COL21A1: variants seen among roughly 807,000 people sequenced by gnomAD.
COL21A1 encodes collagen type XXI alpha 1 chain.
Under a neutral mutation model 137.9 loss-of-function variants are expected in COL21A1, and 149 were observed. The ratio of observed to expected loss-of-function variants is 1.08; its 90% CI spans 0.95 to 1.24. COL21A1 has a LOEUF of 1.24. Ranked by LOEUF, COL21A1 falls within the 50% of genes most tolerant of loss-of-function variation. COL21A1 has a pLI of 0.00. For synonymous variants in COL21A1, 456 were observed against 391.5 expected, an observed-to-expected ratio of 1.16 and a Z score of -1.95; for missense variants, 1,167 against 1,158.4, an observed-to-expected ratio of 1.01 and a Z score of -0.11.
intron 16 of COL21A1, among the ~76,000 whole-genome samples, chr6:56,107,324 G>C (rs937831677): frequency 6.6e-6 from 1 of 151,086 alleles, no homozygotes; most frequent in African/African-American, 2.4e-5. Flanking sequence ...AACGATAGAA[G>C]ACAAATAAAT....
intron 1 of COL21A1, among the ~76,000 whole-genome samples, chr6:56,298,114 A>G (rs1764201290): frequency 6.6e-6 from 1 of 151,732 alleles, no homozygotes; most frequent in Non-Finnish European, 1.5e-5. Context: ...TTAAAAAAAA[A>G]AAAAACCTTG....
intron 19 of COL21A1, 142 bp downstream of exon 19, chr6:56,075,337 T>C: frequency 1.5e-6 from 1 of 646,482 alleles, no homozygotes; most frequent in South Asian, 2.1e-5. Flanking sequence ...ATATGTTTCA[T>C]ACAACAGAAT....
chr6:56,135,197 A>T (rs955439069), intron 12 of COL21A1, among the ~76,000 whole-genome samples: 1 of 152,110 alleles, frequency 6.6e-6, no homozygotes, highest in Admixed American at 6.5e-5. Context: ...CCAAGTAAAA[A>T]CACATAATAC....
At chr6:56,291,563 G>A (rs796280928) in intron 1 of COL21A1, among the ~76,000 whole-genome samples, 10 of 152,234 alleles carry the variant, frequency 6.6e-5, no homozygotes, top group African/African-American at 1.4e-4. Flanking sequence ...GCCAAAATGC[G>A]GGTCGCAGAG....
At position 56,166,998 on chromosome 6, in the gene COL21A1, C is replaced by A. The variant is rs772178384; in HGVS notation, c.1201-15G>T. 29 of 1,598,412 alleles carry A rather than the reference C, an allele frequency of 1.8e-5. No individual in the cohort carries two copies. The highest frequency in any genetic ancestry group is 6.8e-5 in the Admixed American group (4 of 58,832). The stretch of plus-strand genomic sequence containing the variant: ...TGGACATCAAACTAAGAACATAAAC[C>A]CAGTAGAATTAAAGTTGAGGCACAA... On this transcript the variant is annotated splice_polypyrimidine_tract_variant and intron_variant, in intron 6 of 29. Coordinates refer to ENST00000244728, the MANE Select transcript of COL21A1 (RefSeq NM_030820.4).
At chr6:56,333,835 T>C (rs982633330) in intron 1 of COL21A1, among the ~76,000 whole-genome samples, 1 of 152,158 alleles carries the variant, frequency 6.6e-6, no homozygotes. Context: ...TATCTACTGC[T>C]GCTTTAATTT....
intron 1 of COL21A1, among the ~76,000 whole-genome samples, chr6:56,378,075 G>T (rs2094002576): frequency 6.6e-6 from 1 of 152,178 alleles, no homozygotes; most frequent in African/African-American, 2.4e-5. Context: ...GCGATACCCA[G>T]GTACTACGTG....
intron 1 of COL21A1, among the ~76,000 whole-genome samples, chr6:56,305,436 A>ATG (rs958966590): frequency 2.0e-5 from 3 of 152,142 alleles, no homozygotes; most frequent in African/African-American, 7.2e-5. Flanking sequence ...GTGCATATAT[A>ATG]TTTAGGATAG....
At chr6:56,256,513 T>C (rs1782976711) in intron 1 of COL21A1, among the ~76,000 whole-genome samples, 2 of 152,130 alleles carry the variant, frequency 1.3e-5, no homozygotes, top group Non-Finnish European at 2.9e-5. Context: ...CGTTGAAAAC[T>C]TGATAAGCAA....
chr6:56,364,490 T>C (rs1766052360), intron 1 of COL21A1, among the ~76,000 whole-genome samples: 1 of 152,190 alleles, frequency 6.6e-6, no homozygotes, highest in African/African-American at 2.4e-5. Context: ...GCTAGACCCT[T>C]TGGGGAGACC....
chr6:56,324,186 C>T (rs1029014671), intron 1 of COL21A1, among the ~76,000 whole-genome samples: 10 of 152,050 alleles, frequency 6.6e-5, no homozygotes, highest in Non-Finnish European at 1.3e-4. Flanking sequence ...AGTCCATTAT[C>T]CTTCAATCTC....
At chr6:56,150,705 G>C (rs77488926) in intron 10 of COL21A1, among the ~76,000 whole-genome samples, 4,081 of 152,160 alleles carry the variant, frequency 0.027, 131 homozygotes, top group African/African-American at 0.071. Flanking sequence ...GAATTTTACA[G>C]CTTAGTCTAC....
chr6:56,160,203 A>C (rs1776090176), intron 9 of COL21A1, among the ~76,000 whole-genome samples: 1 of 152,244 alleles, frequency 6.6e-6, no homozygotes, highest in African/African-American at 2.4e-5. Flanking sequence ...TACTGTTAAT[A>C]AAAGCTGACA....
chr6:56,263,983 C>T (rs1444687273), intron 1 of COL21A1, among the ~76,000 whole-genome samples: 1 of 152,026 alleles, frequency 6.6e-6, no homozygotes, highest in Non-Finnish European at 1.5e-5. Flanking sequence ...CACACACACA[C>T]ACACAAACAC....
chr6:56,328,245 C>T (rs371410735), intron 1 of COL21A1, among the ~76,000 whole-genome samples: 1 of 152,030 alleles, frequency 6.6e-6, no homozygotes, highest in Non-Finnish European at 1.5e-5. Context: ...AATATGAGTT[C>T]TTTCCCATTA....
intron 1 of COL21A1, among the ~76,000 whole-genome samples, chr6:56,296,579 T>G (rs1283262232): frequency 2.6e-5 from 4 of 152,040 alleles, no homozygotes; most frequent in Non-Finnish European, 5.9e-5. Flanking sequence ...GTAATTTGTT[T>G]CATTCACTCT....
chr6:56,187,519 G>T (rs941637836), intron 1 of COL21A1, among the ~76,000 whole-genome samples: 1 of 152,074 alleles, frequency 6.6e-6, no homozygotes, highest in Non-Finnish European at 1.5e-5. Context: ...ATAGAGTTTC[G>T]GTAACAGACC....
At chr6:56,182,129 C>G (rs1278182456) in intron 2 of COL21A1, among the ~76,000 whole-genome samples, 1 of 152,118 alleles carries the variant, frequency 6.6e-6, no homozygotes, top group African/African-American at 2.4e-5. Flanking sequence ...TCTCTATAGG[C>G]AAGCTTTCCT....
chr6:56,266,750 A>ACG (rs199907892), intron 1 of COL21A1, among the ~76,000 whole-genome samples: 31,316 of 152,032 alleles, frequency 0.21, 3,925 homozygotes, highest in Non-Finnish European at 0.28. Flanking sequence ...GGAGATGAAT[A>ACG]AAGGATATTA....
Sources: gnomAD v4.1 joint callset for allele counts (sites outside exome capture counted in the v4.1 genomes callset) on GRCh38, gnomAD v4.1.1 for gene constraint, MANE v1.5 for transcripts, NCBI Gene and HGNC (gene_info 2026-07-23, HGNC 2026-07-21) for gene names.